Variants in HS3ST4 observed in about 807,000 individuals in gnomAD.
HS3ST4 encodes heparan sulfate glucosamine 3-O-sulfotransferase 4.
Under a neutral mutation model 29.2 loss-of-function variants are expected in HS3ST4, and 17 were observed. The ratio of observed to expected loss-of-function variants is 0.58; its 90% CI spans 0.40 to 0.87. The LOEUF is 0.87. HS3ST4 is among the 40% of genes least tolerant of loss of function. HS3ST4 has a pLI of 0.00. For missense variants in HS3ST4, 627 were observed against 634.5 expected (o/e 0.99, Z 0.13); for synonymous variants, 314 against 285.7 (o/e 1.10, Z -1.00).
intron 1 of HS3ST4, among the ~76,000 whole-genome samples, chr16:26,054,060 C>T (rs1184500832): frequency 6.6e-6 from 1 of 152,152 alleles, no homozygotes; most frequent in Non-Finnish European, 1.5e-5. Flanking sequence ...GTCACTTCCT[C>T]CTACATGTCA....
chr16:25,863,224 C>T (rs1277580829), intron 1 of HS3ST4, among the ~76,000 whole-genome samples: 1 of 152,100 alleles, frequency 6.6e-6, no homozygotes, highest in African/African-American at 2.4e-5. Flanking sequence ...GCCAGGACTA[C>T]AGGGGTGCAC....
chr16:25,726,450 A>G (rs933682105), intron 1 of HS3ST4, among the ~76,000 whole-genome samples: 1 of 151,734 alleles, frequency 6.6e-6, no homozygotes, highest in African/African-American at 2.4e-5. Context: ...AAACACACAC[A>G]CACATACACA....
chr16:25,800,615 G>A (rs1352569872), intron 1 of HS3ST4, among the ~76,000 whole-genome samples: 1 of 152,008 alleles, frequency 6.6e-6, no homozygotes, highest in Non-Finnish European at 1.5e-5. Flanking sequence ...TTAAGATTTG[G>A]CAGTGGTTCT....
chr16:25,871,173 G>T (rs1460053089), intron 1 of HS3ST4, among the ~76,000 whole-genome samples: 1 of 152,146 alleles, frequency 6.6e-6, no homozygotes, highest in African/African-American at 2.4e-5. Flanking sequence ...CGGGGTGATG[G>T]AGGTGGCAGG....
intron 1 of HS3ST4, among the ~76,000 whole-genome samples, chr16:25,754,906 C>G (rs990615557): frequency 2.0e-5 from 3 of 151,802 alleles, no homozygotes; most frequent in African/African-American, 7.3e-5. Context: ...TCAACCTGCC[C>G]ATCCACCCAT....
intron 1 of HS3ST4, among the ~76,000 whole-genome samples, chr16:25,969,957 C>T (rs1968880024): frequency 1.3e-5 from 2 of 152,204 alleles, no homozygotes; most frequent in South Asian, 4.1e-4. Flanking sequence ...CCAATCCTGG[C>T]CCCAAACACG....
At chr16:26,119,181 C>G (rs1029514746) in intron 1 of HS3ST4, among the ~76,000 whole-genome samples, 1 of 152,186 alleles carries the variant, frequency 6.6e-6, no homozygotes, top group African/African-American at 2.4e-5. Flanking sequence ...CATCCAGGCT[C>G]TTAGCCACTA....
intron 1 of HS3ST4, among the ~76,000 whole-genome samples, chr16:25,836,863 T>C (rs942030036): frequency 6.6e-6 from 1 of 152,218 alleles, no homozygotes; most frequent in African/African-American, 2.4e-5. Flanking sequence ...CAATTTATAG[T>C]TAAGGTGACT....
chr16:25,794,452 A>T (rs1209626574), intron 1 of HS3ST4, among the ~76,000 whole-genome samples: 1 of 151,898 alleles, frequency 6.6e-6, no homozygotes, highest in East Asian at 1.9e-4. Context: ...TATCGTTTAA[A>T]AATGTCCTTA....
At chr16:26,011,561 A>G (rs1177614548) in intron 1 of HS3ST4, among the ~76,000 whole-genome samples, 1 of 152,180 alleles carries the variant, frequency 6.6e-6, no homozygotes, top group African/African-American at 2.4e-5. Flanking sequence ...CTCTGTCTCA[A>G]AAAAAAGCAT....
intron 1 of HS3ST4, among the ~76,000 whole-genome samples, chr16:25,838,322 G>A (rs1387791462): frequency 1.3e-5 from 2 of 152,082 alleles, no homozygotes; most frequent in South Asian, 2.1e-4. Flanking sequence ...TATCTGACCC[G>A]ATTCATTCTC....
At chr16:25,925,142 A>G (rs1429557930) in intron 1 of HS3ST4, among the ~76,000 whole-genome samples, 1 of 151,364 alleles carries the variant, frequency 6.6e-6, no homozygotes, top group African/African-American at 2.4e-5. Flanking sequence ...TTTTCAATAC[A>G]CTGAGCTCCT....
intron 1 of HS3ST4, among the ~76,000 whole-genome samples, chr16:25,983,382 A>T (rs1969028450): frequency 6.6e-6 from 1 of 152,194 alleles, no homozygotes; most frequent in East Asian, 1.9e-4. Flanking sequence ...TTGTGTGGAC[A>T]TCAAATGGGA....
At chr16:25,854,119 TC>T (rs141293914) in intron 1 of HS3ST4, among the ~76,000 whole-genome samples, 42,886 of 151,464 alleles carry the variant, frequency 0.28, 6,673 homozygotes, top group Admixed American at 0.35. Flanking sequence ...CCACTCCATG[TC>T]TTTTTTTTTT....
At chr16:25,938,921 C>G (rs1237816659) in intron 1 of HS3ST4, among the ~76,000 whole-genome samples, 2 of 152,216 alleles carry the variant, frequency 1.3e-5, no homozygotes, top group African/African-American at 4.8e-5. Context: ...CCCCCTTTCT[C>G]CTGCTAAACC....
chr16:25,987,262 A>AT (rs1343833136), intron 1 of HS3ST4, among the ~76,000 whole-genome samples: 1 of 152,166 alleles, frequency 6.6e-6, no homozygotes, highest in African/African-American at 2.4e-5. Flanking sequence ...AGGCAGGAGA[A>AT]TCGCTTGAAC....
intron 1 of HS3ST4, among the ~76,000 whole-genome samples, chr16:25,977,430 A>G (rs1286728935): frequency 6.6e-6 from 1 of 151,998 alleles, no homozygotes; most frequent in Non-Finnish European, 1.5e-5. Context: ...TTCTCATCAC[A>G]CCTATGTCTT....
chr16:25,915,283 A>G (rs527929807), intron 1 of HS3ST4, among the ~76,000 whole-genome samples: 34 of 152,304 alleles, frequency 2.2e-4, no homozygotes, highest in Non-Finnish European at 3.1e-4. Flanking sequence ...TCTGAGCCCA[A>G]TAGATCTGCT....
intron 1 of HS3ST4, among the ~76,000 whole-genome samples, chr16:26,023,748 T>C (rs1157834635): frequency 6.6e-6 from 1 of 152,170 alleles, no homozygotes; most frequent in Non-Finnish European, 1.5e-5. Flanking sequence ...ACCTAGTCTT[T>C]ATCTCTGATT....
Sources: allele counts gnomAD v4.1 joint callset (sites outside exome capture counted in the v4.1 genomes callset), GRCh38; gene constraint gnomAD v4.1.1; transcripts MANE v1.5; gene names NCBI Gene and HGNC (gene_info 2026-07-23, HGNC 2026-07-21).